SLC39A1: variants seen among roughly 807,000 people sequenced by gnomAD.
SLC39A1 encodes solute carrier family 39 member 1, also known as zinc transporter ZIP1.
A neutral mutation model predicts 21.4 loss-of-function variants in SLC39A1; 17 were observed. That is an observed-to-expected ratio of 0.79 (90% CI 0.54 to 1.19). The LOEUF is 1.19. Ranked by LOEUF, SLC39A1 falls within the 50% of genes most tolerant of loss-of-function variation. The pLI is 0.00. For synonymous variants in SLC39A1, 183 were observed against 185.9 expected (o/e 0.98, Z 0.13); for missense variants, 343 against 399.8 (o/e 0.86, Z 1.21).
chr1:153,962,999 C>T, intron 1 of SLC39A1: 1 of 329,610 alleles, frequency 3.0e-6, no homozygotes, highest in Non-Finnish European at 5.5e-6. Flanking sequence ...GATATCTCAT[C>T]ACCCTTTCAC....
In SLC39A1 at chr1:153,962,575, C is replaced by T. The variant is rs778350132; in HGVS notation, c.141G>A (p.Val47=). 6 of 1,613,646 alleles carry T rather than the reference C, an allele frequency of 3.7e-6. No homozygotes were observed. Among genetic ancestry groups the T allele is most frequent in the Middle Eastern group, 1.7e-4 (1 of 5,886 alleles). Residue 47 remains valine, a synonymous_variant, in exon 2 of 4, where the codon GTG becomes GTA. Coordinates refer to ENST00000356205, the MANE Select transcript of SLC39A1 (RefSeq NM_001271958.2). Reference sequence around the variant, plus strand: ...CTGGCCGGCGCAGCACACAGATGGGCACCAGGCTGCAGAGGAGGGTGAGCA... The same window carrying T: ...CTGGCCGGCGCAGCACACAGATGGGTACCAGGCTGCAGAGGAGGGTGAGCA... ...LLVLTLLCSL[V]PICVLRRPGA...
Position 153,960,277 on chromosome 1 carries a change from G to T in SLC39A1, c.796C>A (p.Pro266Thr). 1 of 1,614,094 alleles carries T rather than the reference G, an allele frequency of 6.2e-7. No homozygotes were observed. Among genetic ancestry groups the T allele is most frequent in the Non-Finnish European group, 8.5e-7 (1 of 1,180,046 alleles). The change falls in exon 4 of 4, where the codon CCT (proline) becomes ACT (threonine). Residue 266 changes from proline (P) to threonine (T), a missense_variant. By Grantham distance (38) the Pro-to-Thr change is conservative. Coordinates refer to ENST00000356205, the MANE Select transcript of SLC39A1 (RefSeq NM_001271958.2). Reference sequence around the variant, plus strand: ...ACAGACTGGGCCAGCTGGTGCAGAGGTCCTGCCGACTCTGCCAGAGCTGCA... The same window carrying T: ...ACAGACTGGGCCAGCTGGTGCAGAGTTCCTGCCGACTCTGCCAGAGCTGCA... ...LGAALAESAG[P>T]LHQLAQSVLE...
chr1:153,965,684 T>C (rs1354086575), upstream of SLC39A1, among the ~76,000 whole-genome samples: 3 of 152,008 alleles, frequency 2.0e-5, no homozygotes, highest in African/African-American at 7.2e-5. Flanking sequence ...CTCCCAGGTT[T>C]CAAGCAATTC....
At position 153,960,581 on chromosome 1, in the gene SLC39A1, C is replaced by T; in HGVS notation, c.492G>A (p.Gly164=). Residue 164 remains glycine, a synonymous_variant, in exon 4 of 4, where the codon GGG becomes GGA. Coordinates refer to ENST00000356205, the MANE Select transcript of SLC39A1 (RefSeq NM_001271958.2). ...CTGGGGCTCCACTCGCCTGTGGGAC[C>T]CCTGGCCCATCATGCCAATGCTGCG... ...GGPQHWHDGP[G]VPQASGAPAT... 6.2e-7 allele frequency: 1 copy of T among 1,614,192 alleles called. No individual in the cohort carries two copies. The highest frequency in any genetic ancestry group is 1.1e-5 in the South Asian group (1 of 91,090).
In SLC39A1 at chr1:153,960,672, T is replaced by C. The variant is rs1647353935; in HGVS notation, c.401A>G (p.Lys134Arg). 6.2e-7 allele frequency: 1 copy of C among 1,614,048 alleles called. No individual in the cohort carries two copies. The highest frequency in any genetic ancestry group is 1.3e-5 in the African/African-American group (1 of 74,950). ...CAGAGGTGACGGCCCTGACTGCTCC[T>C]TGTAAGCCAGTGTGATCTGCTCCAT... ...LVMEQITLAY[K>R]EQSGPSPLEE... Residue 134 changes from lysine (K) to arginine (R), a missense_variant, in exon 4 of 4, where the codon AAG becomes AGG. Lys to Arg is a conservative substitution (Grantham distance 26). Transcript: ENST00000356205.
chr1:153,960,537 C>T lies in SLC39A1; in HGVS notation c.536G>A (p.Arg179His), dbSNP rs752125791. 8 of 1,613,882 alleles carry T rather than the reference C, an allele frequency of 5.0e-6. No homozygotes were observed. Among genetic ancestry groups the T allele is most frequent in the Middle Eastern group, 1.7e-4 (1 of 6,060 alleles). ...SGAPATPSAL[R>H]ACVLVFSLAL... ...CAGGGAGAACACCAGTACACAGGCA[C>T]GCAAGGCTGAGGGGGTTGCTGGGGC... is the stretch of plus-strand genomic sequence containing the variant. The change falls in exon 4 of 4, where the codon CGT becomes CAT. Residue 179 changes from arginine to histidine, a missense_variant. By Grantham distance (29) the Arg-to-His change is conservative. Transcript: ENST00000356205.
At position 153,962,710 on chromosome 1, in the gene SLC39A1, C is replaced by T; in HGVS notation, c.6G>A (p.Gly2=). 1 of 1,580,356 alleles carries T rather than the reference C, an allele frequency of 6.3e-7. No homozygotes were observed. The change falls in exon 2 of 4, where the codon GGG becomes GGA. Residue 2 remains glycine, a synonymous_variant. Transcript: ENST00000356205. Reference sequence around the variant, plus strand: ...CCAGGAGCTCTGGCTCTCCCCAGGGCCCCATGATGCTTCTGGTAGCTCCAG... The same window carrying T: ...CCAGGAGCTCTGGCTCTCCCCAGGGTCCCATGATGCTTCTGGTAGCTCCAG... M[G]PWGEPELLVW... is the part of the protein sequence containing the mutation.
Position 153,960,520 on chromosome 1 carries a change from A to C in SLC39A1, c.553T>G (p.Phe185Val), listed in dbSNP as rs201321645. ...PSALRACVLV[F>V]SLALHSVFEG... ...AACACGGAGTGGAGGGCCAGGGAGA[A>C]CACCAGTACACAGGCACGCAAGGCT... The change falls in exon 4 of 4, where the codon TTC becomes GTC. Residue 185 changes from phenylalanine (F) to valine (V), a missense_variant. By Grantham distance (50) the Phe-to-Val change is conservative (BLOSUM62 -1). Coordinates refer to ENST00000356205, the MANE Select transcript of SLC39A1 (RefSeq NM_001271958.2). The C allele has an allele frequency of 1.4e-5, 22 of 1,613,390 alleles. No homozygotes were observed. The highest frequency in any genetic ancestry group is 1.9e-5 in the Non-Finnish European group (22 of 1,179,784).
chr1:153,964,867 G>A (rs1339317013), upstream of SLC39A1: 5 of 152,058 alleles, frequency 3.3e-5, no homozygotes, highest in Admixed American at 2.6e-4. Flanking sequence ...TTGAACCCGG[G>A]AGCCGGAAAT....
Position 153,959,192 on chromosome 1 carries a change from G to A in SLC39A1, c.*906C>T. The A allele has an allele frequency of 2.5e-6, 1 of 399,000 alleles. No homozygotes were observed. The allele number at this position is 399,000 out of a possible 1,614,324, so 24.7% of individuals were successfully genotyped here. A position where few individuals can be genotyped will look rare whatever the true frequency, so the allele number is the denominator to read the frequency against. ...TAGATTCTAAAGAATATGTCCCTAT[G>A]CACAGCCCTCCCTCCCCAAAAATAA... On this transcript the variant is annotated 3_prime_UTR_variant, in exon 4 of 4. Transcript: ENST00000356205.
Position 153,959,186 on chromosome 1 carries a change from C to T in SLC39A1, c.*912G>A, listed in dbSNP as rs533947905. Reference sequence around the variant, plus strand: ...ATAAAATAGATTCTAAAGAATATGTCCCTATGCACAGCCCTCCCTCCCCAA... The same window carrying T: ...ATAAAATAGATTCTAAAGAATATGTTCCTATGCACAGCCCTCCCTCCCCAA... On this transcript the variant is annotated 3_prime_UTR_variant, in exon 4 of 4. Coordinates refer to ENST00000356205, the MANE Select transcript of SLC39A1 (RefSeq NM_001271958.2). 2.5e-6 allele frequency: 1 copy of T among 398,998 alleles called. No homozygotes were observed. Among genetic ancestry groups the T allele is most frequent in the Non-Finnish European group, 4.4e-6 (1 of 226,052 alleles). 24.7% of individuals were successfully genotyped at this position (398,998 alleles called of 1,614,324 possible).
chr1:153,962,231 A>C lies in SLC39A1; in HGVS notation c.307T>G (p.Leu103Val). 1 of 1,614,018 alleles carries C rather than the reference A, an allele frequency of 6.2e-7. No individual in the cohort carries two copies. Among genetic ancestry groups the C allele is most frequent in the Non-Finnish European group, 8.5e-7 (1 of 1,179,968 alleles). ...AGGCCAGTGCTCACCGTCACGTGCA[A>C]GGCTGCCAGGGCCTCATCTATGGCA... Reference protein sequence around the residue: ...LAAIDEALAALHVTLQFPLQE... With the variant: ...LAAIDEALAAVHVTLQFPLQE... The change falls in exon 3 of 4, where the codon TTG becomes GTG. Residue 103 changes from leucine to valine, a missense_variant. By Grantham distance (32) the Leu-to-Val change is conservative (BLOSUM62 1). Coordinates refer to ENST00000356205, the MANE Select transcript of SLC39A1 (RefSeq NM_001271958.2).
upstream of SLC39A1, chr1:153,966,706 C>G (rs1475472606): frequency 3.3e-5 from 5 of 152,160 alleles, no homozygotes; most frequent in African/African-American, 1.2e-4. Context: ...GACCCTGTTC[C>G]CGTTTTTACC....
In SLC39A1 at chr1:153,962,701, TC is replaced by T; in HGVS notation, c.14del (p.Gly5GlufsTer13). MGPW[G>X]EPELLVWRPE... The stretch of plus-strand genomic sequence containing the variant: ...GGCGCCACACCAGGAGCTCTGGCTC[TC>T]CCCAGGGCCCCATGATGCTTCTGGT... On this transcript the variant is annotated frameshift_variant, in exon 2 of 4. Transcript: ENST00000356205. LOFTEE classifies it high-confidence loss of function. 2 of 1,594,754 alleles carry T rather than the reference TC, an allele frequency of 1.3e-6. No individual in the cohort carries two copies. The highest frequency in any genetic ancestry group is 1.7e-6 in the Non-Finnish European group (2 of 1,170,254).
chr1:153,960,675 T>G lies in SLC39A1; in HGVS notation c.398A>C (p.Tyr133Ser). The G allele has an allele frequency of 1.2e-6, 2 of 1,614,164 alleles. No homozygotes were observed. The highest frequency in any genetic ancestry group is 1.7e-6 in the Non-Finnish European group (2 of 1,180,044). Residue 133 changes from tyrosine (Y) to serine (S), a missense_variant, in exon 4 of 4, where the codon TAC becomes TCC. By Grantham distance (144) the Tyr-to-Ser change is moderately radical. Coordinates refer to ENST00000356205, the MANE Select transcript of SLC39A1 (RefSeq NM_001271958.2). ...VLVMEQITLA[Y>S]KEQSGPSPLE... Reference sequence around the variant, plus strand: ...AGGTGACGGCCCTGACTGCTCCTTGTAAGCCAGTGTGATCTGCTCCATCAC... The same window carrying G: ...AGGTGACGGCCCTGACTGCTCCTTGGAAGCCAGTGTGATCTGCTCCATCAC...
upstream of SLC39A1, chr1:153,967,373 C>T (rs1647857779): frequency 6.6e-6 from 1 of 152,242 alleles, no homozygotes; most frequent in Non-Finnish European, 1.5e-5. Context: ...TCACGTGGCG[C>T]GCGAAGACAA....
chr1:153,965,549 TTTA>T, upstream of SLC39A1, among the ~76,000 whole-genome samples: 1 of 152,274 alleles, frequency 6.6e-6, no homozygotes, highest in East Asian at 1.9e-4. Flanking sequence ...TCTTGGCAAC[TTTA>T]TTTCTTTTCT....
chr1:153,960,866 C>T, intron 3 of SLC39A1, 112 bp from the exon 4 acceptor site: 1 of 952,120 alleles, frequency 1.1e-6, no homozygotes, highest in Non-Finnish European at 1.5e-6. Context: ...GGGCTACTCT[C>T]AGTCACACAA....
upstream of SLC39A1, chr1:153,967,058 A>C (rs1284718221): frequency 6.6e-6 from 1 of 152,232 alleles, no homozygotes; most frequent in African/African-American, 2.4e-5. Flanking sequence ...TTTTTATGAA[A>C]ACGTTTTGTA....
Sources: gnomAD v4.1 joint callset for allele counts (sites outside exome capture counted in the v4.1 genomes callset) on GRCh38, gnomAD v4.1.1 for gene constraint, MANE v1.5 for transcripts, NCBI Gene and HGNC (gene_info 2026-07-23, HGNC 2026-07-21) for gene names.